Variants in ADPGK observed in about 807,000 individuals in gnomAD.
ADPGK encodes the protein ADP-dependent glucokinase.
In ADPGK, 26 loss-of-function variants were observed where a neutral mutation model predicts 42.4. The observed-to-expected ratio is 0.61, with a 90% confidence interval of 0.45 to 0.85. The LOEUF (loss-of-function observed/expected upper bound fraction) is 0.85. ADPGK is among the 40% of genes least tolerant of loss of function. The probability of loss-of-function intolerance (pLI) is 0.00; values close to 1 mark genes in which losing one functional copy is unlikely to be tolerated. For synonymous variants in ADPGK, 267 were observed against 252.6 expected (o/e 1.06, Z -0.54); for missense variants, 571 against 627.0 (o/e 0.91, Z 0.95).
chr15:72,780,288 A>C (rs781128842), intron 1 of ADPGK, among the ~76,000 whole-genome samples: 1 of 152,174 alleles, frequency 6.6e-6, no homozygotes, highest in Non-Finnish European at 1.5e-5. Flanking sequence ...GGTGTCAGGA[A>C]GGAGCCGTGC....
chr15:72,771,897 C>T lies in ADPGK; in HGVS notation c.460-52G>A, dbSNP rs1423289279. The T allele has an allele frequency of 2.9e-6, 4 of 1,379,446 alleles. No homozygotes were observed. The South Asian group carries it at 6.1e-5, about 21-fold the overall frequency. 85.5% of individuals were successfully genotyped at this position (1,379,446 alleles called of 1,614,324 possible). ...CAGTATTTTAATACAACTATATCACCCAAGTTTAATCATTTTTTATTTTAA... is the reference window on the plus strand; with the variant it reads ...CAGTATTTTAATACAACTATATCACTCAAGTTTAATCATTTTTTATTTTAA... On this transcript the variant is annotated intron_variant, in intron 2 of 6. Coordinates refer to ENST00000456471, the MANE Select transcript of ADPGK (RefSeq NM_001365225.1).
At chr15:72,766,756 G>C (rs2066265992) in intron 3 of ADPGK, among the ~76,000 whole-genome samples, 1 of 152,052 alleles carries the variant, frequency 6.6e-6, no homozygotes, top group African/African-American at 2.4e-5. Context: ...ATAAGCTAAA[G>C]ATGTACAGTA....
intron 1 of ADPGK, among the ~76,000 whole-genome samples, chr15:72,778,861 GAAGA>G (rs1400584063): frequency 1.3e-5 from 2 of 152,186 alleles, no homozygotes; most frequent in Non-Finnish European, 2.9e-5. Context: ...CATCTAGATA[GAAGA>G]AAGGCGGCTG....
At chr15:72,755,790 T>C in intron 5 of ADPGK, 136 bp from the exon 6 acceptor site, 1 of 684,502 alleles carries the variant, frequency 1.5e-6, no homozygotes, top group East Asian at 2.8e-5. Flanking sequence ...CTACAAGCAA[T>C]GTGGGTCCCC....
intron 3 of ADPGK, among the ~76,000 whole-genome samples, chr15:72,767,398 C>T (rs1483045635): frequency 2.0e-5 from 3 of 148,790 alleles, no homozygotes; most frequent in African/African-American, 7.4e-5. Flanking sequence ...AAAAAAAAAC[C>T]AATAAGAATA....
intron 3 of ADPGK, among the ~76,000 whole-genome samples, chr15:72,766,863 A>G (rs78346989): frequency 6.6e-6 from 1 of 152,328 alleles, no homozygotes; most frequent in East Asian, 1.9e-4. Flanking sequence ...AAGAGTACAG[A>G]AAAAGAGGGA....
chr15:72,758,903 C>T (rs996590609), intron 4 of ADPGK, among the ~76,000 whole-genome samples: 2 of 152,156 alleles, frequency 1.3e-5, no homozygotes, highest in African/African-American at 2.4e-5. Flanking sequence ...AATTCCAGAC[C>T]CTTCCAGTCC....
intron 3 of ADPGK, among the ~76,000 whole-genome samples, chr15:72,768,935 C>CT (rs547105649): frequency 1.3e-4 from 19 of 149,896 alleles, no homozygotes; most frequent in African/African-American, 4.7e-4. Flanking sequence ...GATCATGCCA[C>CT]TGCACTCCAG....
In ADPGK at chr15:72,756,684, T is replaced by A. The variant is rs960228070; in HGVS notation, c.644-237A>T. 5.6e-6 allele frequency: 3 copies of A among 538,638 alleles called. No homozygotes were observed. The East Asian group carries it at 9.4e-5, about 17-fold the overall frequency. 33.4% of individuals were successfully genotyped at this position (538,638 alleles called of 1,614,324 possible). A position where few individuals can be genotyped will look rare whatever the true frequency, so the allele number is the denominator to read the frequency against. On this transcript the variant is annotated intron_variant, in intron 4 of 6. Transcript: ENST00000456471. The stretch of plus-strand genomic sequence containing the variant: ...CATAGTATGGGTGCTATATGCCTTT[T>A]TCAAGGTAATTAGCTCCCCCTGAGT...
chr15:72,765,695 A>G (rs2066249582), intron 3 of ADPGK, among the ~76,000 whole-genome samples: 1 of 152,236 alleles, frequency 6.6e-6, no homozygotes, highest in Non-Finnish European at 1.5e-5. Context: ...GACTTCAGTA[A>G]ACTGCAGTAA....
chr15:72,758,252 G>C lies in ADPGK; in HGVS notation c.644-1805C>G, dbSNP rs535788290. The stretch of plus-strand genomic sequence containing the variant: ...GGATCTAATTCTGCCTGTAATGGTA[G>C]TTAGCGCCCCTCTTTCCTCACAAAG... On this transcript the variant is annotated intron_variant, in intron 4 of 6. Transcript: ENST00000456471. The C allele has an allele frequency of 1.1e-3, 927 of 822,348 alleles. 1 individual carries two copies. Among genetic ancestry groups the C allele is most frequent in the Non-Finnish European group, 1.6e-3 (775 of 478,514 alleles). The allele number at this position is 822,348 out of a possible 1,614,324, so 50.9% of individuals were successfully genotyped here.
intron 5 of ADPGK, 147 bp downstream of exon 5, chr15:72,756,104 G>T: frequency 1.1e-6 from 1 of 916,870 alleles, no homozygotes; most frequent in Non-Finnish European, 1.7e-6. Flanking sequence ...GTGCCTCACT[G>T]CAGCAGGAGG....
At chr15:72,755,515 T>A (rs985843031) in intron 6 of ADPGK, 41 bp downstream of exon 6, 24 of 1,491,460 alleles carry the variant, frequency 1.6e-5, no homozygotes, top group Non-Finnish European at 2.0e-5. Context: ...TCTGCAAGGC[T>A]CTATGAGGAT....
intron 1 of ADPGK, among the ~76,000 whole-genome samples, chr15:72,777,964 C>A (rs1030231605): frequency 2.0e-5 from 3 of 151,932 alleles, no homozygotes; most frequent in South Asian, 2.1e-4. Context: ...TTAAAAAAAA[C>A]CAGGCTGAGC....
chr15:72,764,179 A>G (rs1421024709), intron 3 of ADPGK, among the ~76,000 whole-genome samples: 1 of 152,264 alleles, frequency 6.6e-6, no homozygotes, highest in African/African-American at 2.4e-5. Flanking sequence ...CGACGAAGGC[A>G]TGTAGAAAGC....
chr15:72,783,351 C>G, intron 1 of ADPGK, 108 bp downstream of exon 1: 1 of 1,295,000 alleles, frequency 7.7e-7, no homozygotes, highest in African/African-American at 1.5e-5. Flanking sequence ...CCAGCGCGGA[C>G]AGCAGCGCCT....
chr15:72,779,250 T>TG (rs1268129587), intron 1 of ADPGK, among the ~76,000 whole-genome samples: 2 of 147,670 alleles, frequency 1.4e-5, no homozygotes, highest in African/African-American at 2.5e-5. Flanking sequence ...GAGGGTTTTT[T>TG]TTTTTTTTTT....
In ADPGK at chr15:72,752,863, C is replaced by T; in HGVS notation, c.972G>A (p.Leu324=). 1 of 1,614,096 alleles carries T rather than the reference C, an allele frequency of 6.2e-7. No homozygotes were observed. The stretch of plus-strand genomic sequence containing the variant: ...TGAGAAATAACAGCTCCTGTTCATT[C>T]AGCCCAAGGGAAGTCACCGCGGGAA... ...QVFPAVTSLG[L]NEQELLFLTQ... The change falls in exon 7 of 7, where the codon CTG becomes CTA. Residue 324 remains leucine (L), a synonymous_variant. Coordinates refer to ENST00000456471, the MANE Select transcript of ADPGK (RefSeq NM_001365225.1).
intron 5 of ADPGK, 99 bp from the exon 6 acceptor site, chr15:72,755,753 A>T (rs771141853): frequency 1.1e-4 from 101 of 926,642 alleles, no homozygotes; most frequent in Admixed American, 3.9e-4. Flanking sequence ...CCTCCTGGTA[A>T]TGGCCTTCTT....
Sources: allele counts gnomAD v4.1 joint callset (sites outside exome capture counted in the v4.1 genomes callset), GRCh38; gene constraint gnomAD v4.1.1; transcripts MANE v1.5; gene names NCBI Gene and HGNC (gene_info 2026-07-23, HGNC 2026-07-21).